PDK4: variants seen among roughly 807,000 people sequenced by gnomAD.
PDK4 encodes pyruvate dehydrogenase kinase, isozyme 4.
In PDK4, 43 loss-of-function variants were observed where a neutral mutation model predicts 51.7. The ratio of observed to expected loss-of-function variants is 0.83; its 90% confidence interval spans 0.65 to 1.07. The LOEUF (loss-of-function observed/expected upper bound fraction) is 1.07. Among genes scored for constraint, PDK4 ranks in the 50% least tolerant of loss-of-function variants. PDK4 has a pLI of 0.00. For synonymous variants in PDK4, 170 were observed against 176.6 expected (o/e 0.96, Z 0.30); for missense variants, 498 against 503.5 (o/e 0.99, Z 0.10).
Position 95,587,607 on chromosome 7 carries a change from A to G in PDK4, c.871-79T>C, listed in dbSNP as rs1234504531. On this transcript the variant is annotated intron_variant, in intron 8 of 10. Transcript: ENST00000005178. ...GTCTAAATAAAAATGGCTTTCCTTC[A>G]TTTAAAAATCACCTGGCATATATGA... 3.3e-6 allele frequency: 4 copies of G among 1,203,472 alleles called. No individual in the cohort carries two copies. In the Admixed American group the frequency reaches 5.2e-5, roughly 16 times the overall value. The allele number at this position is 1,203,472 out of a possible 1,614,324, so 74.5% of individuals were successfully genotyped here.
rs1490750639 is a variant in PDK4, at chr7:95,585,744, A to G, written c.1133T>C (p.Phe378Ser). 1 of 1,601,920 alleles carries G rather than the reference A, an allele frequency of 6.2e-7. No individual in the cohort carries two copies. Among genetic ancestry groups the G allele is most frequent in the Non-Finnish European group, 8.5e-7 (1 of 1,170,436 alleles). Residue 378 changes from phenylalanine (F) to serine (S), a missense_variant, in exon 11 of 11, where the codon TTT (phenylalanine) becomes TCT (serine). Transcript: ENST00000005178. ...ATAATGTTTGAAGGCTGACTTGTTA[A>G]AAACTGGAAGTTTTTCTATAGACTC... ...SSESIEKLPV[F>S]NKSAFKHYQM...
Position 95,595,163 on chromosome 7 carries a change from AC to A in PDK4, c.131del (p.Gly44ValfsTer20), listed in dbSNP as rs765838578. The A allele has an allele frequency of 6.2e-7, 1 of 1,609,080 alleles. No homozygotes were observed. Among genetic ancestry groups the A allele is most frequent in the South Asian group, 1.1e-5 (1 of 90,824 alleles). Reference sequence around the variant, plus strand: ...AAGTTCTTTCACATGCATTTTCTGAACCTATAATAAATGAAATCAATTTAGT... The same window carrying A: ...AAGTTCTTTCACATGCATTTTCTGAACTATAATAAATGAAATCAATTTAGT... ...PLSMKQLLDFGSENACERTSF... is the reference protein window; with the variant it reads ...PLSMKQLLDFXSENACERTSF... On this transcript the variant is annotated frameshift_variant and splice_region_variant, in exon 2 of 11. Coordinates refer to ENST00000005178, the MANE Select transcript of PDK4 (RefSeq NM_002612.4). LOFTEE classifies it high-confidence loss of function.
Position 95,596,352 on chromosome 7 carries a change from G to T in PDK4, c.-59C>A. The T allele has an allele frequency of 1.3e-6, 2 of 1,510,874 alleles. No homozygotes were observed. Among genetic ancestry groups the T allele is most frequent in the South Asian group, 1.2e-5 (1 of 80,164 alleles). 93.6% of individuals were successfully genotyped at this position (1,510,874 alleles called of 1,614,324 possible). ...CTGGCTTGAGGGGCGAAGGCTGCTC[G>T]GAGCAGAGCCTGGTTCCGAGGGGGC... On this transcript the variant is annotated 5_prime_UTR_variant, in exon 1 of 11. Coordinates refer to ENST00000005178, the MANE Select transcript of PDK4 (RefSeq NM_002612.4).
chr7:95,589,720 G>A lies in PDK4; in HGVS notation c.695-4C>T. The A allele has an allele frequency of 6.7e-7, 1 of 1,498,390 alleles. No individual in the cohort carries two copies. Among genetic ancestry groups the A allele is most frequent in the South Asian group, 1.1e-5 (1 of 87,476 alleles). 92.8% of individuals were successfully genotyped at this position (1,498,390 alleles called of 1,614,324 possible). ...ATTGGTTGGTCTGGAAATTTTCCTA[G>A]AAAAATAAAATTCATTAAGAATTTG... On this transcript the variant is annotated splice_polypyrimidine_tract_variant and splice_region_variant and intron_variant, in intron 6 of 10. Coordinates refer to ENST00000005178, the MANE Select transcript of PDK4 (RefSeq NM_002612.4).
chr7:95,596,433 T>C lies in PDK4; in HGVS notation c.-140A>G. Reference sequence around the variant, plus strand: ...GCTGGCTGGCTTGTGCGCCCCGGCCTGGGCTGGGGTTTGAGGGTGCCGCGG... The same window carrying C: ...GCTGGCTGGCTTGTGCGCCCCGGCCCGGGCTGGGGTTTGAGGGTGCCGCGG... On this transcript the variant is annotated 5_prime_UTR_variant, in exon 1 of 11. Coordinates refer to ENST00000005178, the MANE Select transcript of PDK4 (RefSeq NM_002612.4). The C allele has an allele frequency of 1.1e-6, 1 of 919,476 alleles. No homozygotes were observed. The highest frequency in any genetic ancestry group is 1.5e-6 in the Non-Finnish European group (1 of 656,888). 57.0% of individuals were successfully genotyped at this position (919,476 alleles called of 1,614,324 possible).
chr7:95,596,449 G>C lies in PDK4; in HGVS notation c.-156C>G, dbSNP rs1791624309. The C allele has an allele frequency of 1.3e-6, 1 of 749,012 alleles. No homozygotes were observed. Among genetic ancestry groups the C allele is most frequent in the African/African-American group, 2.0e-5 (1 of 50,712 alleles). The allele number at this position is 749,012 out of a possible 1,614,324, so 46.4% of individuals were successfully genotyped here. A position where few individuals can be genotyped will look rare whatever the true frequency, so the allele number is the denominator to read the frequency against. On this transcript the variant is annotated 5_prime_UTR_variant, in exon 1 of 11. Transcript: ENST00000005178. ...GCCCCGGCCTGGGCTGGGGTTTGAG[G>C]GTGCCGCGGAGTGAAGAGTCTGGGC...
chr7:95,592,555 A>G lies in PDK4; in HGVS notation c.572T>C (p.Ile191Thr), dbSNP rs138077797. The G allele has an allele frequency of 1.8e-5, 29 of 1,611,512 alleles. No homozygotes were observed. The highest frequency in any genetic ancestry group is 1.1e-4 in the African/African-American group (8 of 74,862). ...ATCACAGTTAGGATCAATGCTTCCA[A>G]TGTGGCTTGGGTTTCCTGTCTGTGA... ...SDSQTGNPSHIGSIDPNCDVV... is the reference protein window; with the variant it reads ...SDSQTGNPSHTGSIDPNCDVV... The change falls in exon 5 of 11, where the codon ATT becomes ACT. Residue 191 changes from isoleucine to threonine, a missense_variant. Transcript: ENST00000005178.
rs769968902 is a variant in PDK4 at position 95,592,952 on chromosome 7, ACAATATTTATGG to A, written c.345-20_345-9del. On this transcript the variant is annotated splice_polypyrimidine_tract_variant and intron_variant, in intron 3 of 10. Coordinates refer to ENST00000005178, the MANE Select transcript of PDK4 (RefSeq NM_002612.4). Reference sequence around the variant, plus strand: ...ATGAGTGTATCTACAAAGCTAAGCCACAATATTTATGGTTAGTAAAAGTTCAAATACGTTTCA... The same window carrying A: ...ATGAGTGTATCTACAAAGCTAAGCCATTAGTAAAAGTTCAAATACGTTTCA... 1 of 1,555,046 alleles carries A rather than the reference ACAATATTTATGG, an allele frequency of 6.4e-7. No homozygotes were observed. Among genetic ancestry groups the A allele is most frequent in the South Asian group, 1.2e-5 (1 of 83,738 alleles).
rs747830308 is a variant in PDK4, at chr7:95,592,821, T to C, written c.468A>G (p.Gln156=). The C allele has an allele frequency of 4.3e-6, 7 of 1,613,176 alleles. No individual in the cohort carries two copies. In the East Asian group the frequency reaches 1.3e-4, roughly 31 times the overall value. Residue 156 remains glutamine, a synonymous_variant, in exon 4 of 11, where the codon CAA becomes CAG. Coordinates refer to ENST00000005178, the MANE Select transcript of PDK4 (RefSeq NM_002612.4). ...TVDPVTNQNL[Q]YFLDRFYMNR... ...TCATGTAAAATCGATCCAAGAAATA[T>C]TGAAGATTTTGATTGGTGACTGGGT... is the stretch of plus-strand genomic sequence containing the variant.
At position 95,593,756 on chromosome 7, in the gene PDK4, A is replaced by G. The variant is rs747697940; in HGVS notation, c.287T>C (p.Leu96Pro). ...CTCATGGAATTCCACCAAATCCATC[A>G]GGCTCTGTATATACCTGTAAAGAAA... The part of the protein sequence containing the change: ...QLVKSWYIQS[L>P]MDLVEFHEKS... The change falls in exon 3 of 11, where the codon CTG becomes CCG. Residue 96 changes from leucine (L) to proline (P), a missense_variant. Physicochemically the swap from Leu to Pro is moderately conservative, Grantham distance 98. Transcript: ENST00000005178. The G allele has an allele frequency of 1.3e-6, 2 of 1,549,460 alleles. No individual in the cohort carries two copies. Among genetic ancestry groups the G allele is most frequent in the Non-Finnish European group, 1.8e-6 (2 of 1,121,440 alleles).
At chr7:95,592,376 C>A in intron 5 of PDK4, 135 bp downstream of exon 5, 1 of 659,828 alleles carries the variant, frequency 1.5e-6, no homozygotes, top group South Asian at 2.0e-5. Context: ...AGCAAAGGAC[C>A]TTGAAGATAA....
chr7:95,593,103 T>C (rs1202085561), intron 3 of PDK4, among the ~76,000 whole-genome samples, 159 bp from the exon 4 acceptor site: 1 of 152,258 alleles, frequency 6.6e-6, no homozygotes, highest in Admixed American at 6.5e-5. Flanking sequence ...TCACTACAGA[T>C]TCTTCCACTA....
At chr7:95,588,190 A>T (rs576687519) in intron 7 of PDK4, among the ~76,000 whole-genome samples, 1 of 152,202 alleles carries the variant, frequency 6.6e-6, no homozygotes, top group African/African-American at 2.4e-5. Flanking sequence ...AGCACCAAAG[A>T]CTACTATATA....
intron 1 of PDK4, 108 bp downstream of exon 1, chr7:95,596,056 T>A: frequency 8.1e-7 from 1 of 1,232,782 alleles, no homozygotes; most frequent in South Asian, 1.6e-5. Flanking sequence ...AGCAGCAAAG[T>A]GAACCCCAGT....
intron 1 of PDK4, among the ~76,000 whole-genome samples, chr7:95,595,367 CT>C (rs1266762477): frequency 2.6e-5 from 4 of 152,154 alleles, no homozygotes; most frequent in Non-Finnish European, 4.4e-5. Flanking sequence ...TTCCTTCTTT[CT>C]TTTAAAAAGT....
chr7:95,592,573 G>A lies in PDK4; in HGVS notation c.554C>T (p.Thr185Ile). 3 of 1,607,952 alleles carry A rather than the reference G, an allele frequency of 1.9e-6. No homozygotes were observed. The highest frequency in any genetic ancestry group is 2.6e-6 in the Non-Finnish European group (3 of 1,174,540). Reference protein sequence around the residue: ...QHILIFSDSQTGNPSHIGSID... With the variant: ...QHILIFSDSQIGNPSHIGSID... ...GCTTCCAATGTGGCTTGGGTTTCCT[G>A]TCTGTGAGTCACTAAATATAAGAAC... Residue 185 changes from threonine (T) to isoleucine (I), a missense_variant, in exon 5 of 11, where the codon ACA becomes ATA. Transcript: ENST00000005178.
chr7:95,583,955 A>AT lies in PDK4; in HGVS notation c.*1685dup, dbSNP rs1484086325. ...ATGTCACTGTCTAGGACTTCTGATG[A>AT]TAAAAACTGAAATCCACAAAAAAAT... On this transcript the variant is annotated 3_prime_UTR_variant, in exon 11 of 11. Transcript: ENST00000005178. 2 of 152,260 alleles carry AT rather than the reference A, an allele frequency of 1.3e-5. No individual in the cohort carries two copies. Among genetic ancestry groups the AT allele is most frequent in the Non-Finnish European group, 2.9e-5 (2 of 68,020 alleles). 9.4% of individuals were successfully genotyped at this position (152,260 alleles called of 1,614,324 possible). A position where few individuals can be genotyped will look rare whatever the true frequency, so the allele number is the denominator to read the frequency against.
intron 2 of PDK4, among the ~76,000 whole-genome samples, chr7:95,594,309 A>C (rs912577309): frequency 6.6e-6 from 1 of 152,200 alleles, no homozygotes; most frequent in Non-Finnish European, 1.5e-5. Flanking sequence ...TCTGTGACCC[A>C]AAAATTTGCT....
intron 3 of PDK4, among the ~76,000 whole-genome samples, chr7:95,593,264 G>A (rs1173635942): frequency 2.0e-5 from 3 of 152,000 alleles, no homozygotes; most frequent in Non-Finnish European, 4.4e-5. Flanking sequence ...TCATTCTAGA[G>A]ATGACTCTAG....
Sources: allele counts gnomAD v4.1 joint callset (sites outside exome capture counted in the v4.1 genomes callset), GRCh38; gene constraint gnomAD v4.1.1; transcripts MANE v1.5; gene names NCBI Gene and HGNC (gene_info 2026-07-23, HGNC 2026-07-21).